The following MTAP variants were observed in gnomAD, a reference collection of about 807,000 sequenced individuals.
MTAP encodes the protein methylthioadenosine phosphorylase, also known as S-methyl-5'-thioadenosine phosphorylase.
Under a neutral mutation model 33.6 loss-of-function variants are expected in MTAP, and 33 were observed. The ratio of observed to expected loss-of-function variants is 0.98; its 90% CI spans 0.74 to 1.31. The LOEUF (loss-of-function observed/expected upper bound fraction) is 1.31. MTAP is among the 40% of genes most tolerant of loss of function. The probability of loss-of-function intolerance (pLI) is 0.00; values close to 1 mark genes in which losing one functional copy is unlikely to be tolerated. For synonymous variants in MTAP, 148 were observed against 125.7 expected (o/e 1.18, Z -1.19); for missense variants, 367 against 360.0 (o/e 1.02, Z -0.16).
intron 1 of MTAP, among the ~76,000 whole-genome samples, chr9:21,928,598 C>G (rs1208363251): frequency 6.6e-6 from 1 of 152,146 alleles, no homozygotes; most frequent in East Asian, 1.9e-4. Flanking sequence ...TGCAGAGTGA[C>G]AGTGATTCAT....
intron 1 of MTAP, among the ~76,000 whole-genome samples, chr9:21,906,259 A>G (rs1373039251): frequency 6.6e-6 from 1 of 152,244 alleles, no homozygotes; most frequent in Non-Finnish European, 1.5e-5. Flanking sequence ...AAAGCAGGAA[A>G]TGAAAACGGG....
intron 1 of MTAP, among the ~76,000 whole-genome samples, chr9:21,915,002 TC>T (rs1563869255): frequency 0.11 from 2,035 of 18,108 alleles, 158 homozygotes; most frequent in African/African-American, 0.28. Context: ...TTGTTTTCTT[TC>T]CTTCCTTCCT....
At chr9:21,821,116 A>G (rs188273601) in intron 4 of MTAP, among the ~76,000 whole-genome samples, 18 of 152,234 alleles carry the variant, frequency 1.2e-4, no homozygotes, top group African/African-American at 3.9e-4. Context: ...TACCCTTTAC[A>G]TCTTTCTCCT....
intron 4 of MTAP, among the ~76,000 whole-genome samples, chr9:21,829,974 A>C (rs191771534): frequency 1.3e-5 from 2 of 152,202 alleles, no homozygotes; most frequent in Non-Finnish European, 2.9e-5. Context: ...ATGAAGTTAA[A>C]AAGCCTGGGC....
intron 5 of MTAP, among the ~76,000 whole-genome samples, chr9:21,838,644 A>G (rs1016012508): frequency 6.6e-6 from 1 of 152,238 alleles, no homozygotes; most frequent in African/African-American, 2.4e-5. Context: ...CTACCATTAT[A>G]GCCAAATCAC....
Position 21,863,205 on chromosome 9 carries a change from G to C in MTAP, c.*1191G>C, listed in dbSNP as rs909313615. The stretch of plus-strand genomic sequence containing the variant: ...TCTGATATTTTAAAAAGTAATGTTT[G>C]ATTCTCCTTTTTATGAGTTAAATTA... On this transcript the variant is annotated 3_prime_UTR_variant, in exon 8 of 8. Coordinates refer to ENST00000644715, the MANE Select transcript of MTAP (RefSeq NM_002451.4). The C allele has an allele frequency of 1.0e-6, 1 of 965,584 alleles. No homozygotes were observed. The highest frequency in any genetic ancestry group is 1.2e-6 in the Non-Finnish European group (1 of 812,062). The allele number at this position is 965,584 out of a possible 1,614,324, so 59.8% of individuals were successfully genotyped here.
intron 5 of MTAP, among the ~76,000 whole-genome samples, chr9:21,849,458 G>A (rs902718395): frequency 6.6e-6 from 1 of 152,162 alleles, no homozygotes; most frequent in African/African-American, 2.4e-5. Flanking sequence ...TCTTATGGGT[G>A]CCTGGACTCA....
chr9:21,833,438 G>A (rs1000496487), intron 4 of MTAP, among the ~76,000 whole-genome samples: 3 of 152,106 alleles, frequency 2.0e-5, no homozygotes, highest in African/African-American at 7.2e-5. Context: ...ACCCACCTTG[G>A]CCTCCTAAAG....
At chr9:21,839,817 T>G (rs1825199269) in intron 5 of MTAP, among the ~76,000 whole-genome samples, 1 of 152,202 alleles carries the variant, frequency 6.6e-6, no homozygotes, top group African/African-American at 2.4e-5. Flanking sequence ...CTACCATTTA[T>G]GTTAAAGTAT....
intron 1 of MTAP, among the ~76,000 whole-genome samples, chr9:21,886,795 G>C (rs1234398232): frequency 6.6e-6 from 1 of 152,148 alleles, no homozygotes; most frequent in African/African-American, 2.4e-5. Flanking sequence ...GTTGGCGTAT[G>C]TGTGCCTGTT....
chr9:21,818,395 T>C (rs1312080799), intron 4 of MTAP, among the ~76,000 whole-genome samples, 193 bp downstream of exon 4: 2 of 126,830 alleles, frequency 1.6e-5, no homozygotes, highest in Non-Finnish European at 3.2e-5. Flanking sequence ...TGGCATGAAC[T>C]CAGCTCACTG....
rs1020757334 is a variant in MTAP at position 21,803,036 on chromosome 9, A to ACACACACACACACG, written c.33+256_33+257insACACACACACACGC. On this transcript the variant is annotated intron_variant, in intron 1 of 7. Transcript: ENST00000644715. ...CACACACACACACACACACACACAC[A>ACACACACACACACG]CCACCTTTTGGCTTATCTGCACCCG... is the stretch of plus-strand genomic sequence containing the variant. 3.8e-5 allele frequency: 39 copies of ACACACACACACACG among 1,039,812 alleles called. No individual in the cohort carries two copies. In the African/African-American group the frequency reaches 6.2e-4, roughly 17 times the overall value. The allele number at this position is 1,039,812 out of a possible 1,614,324, so 64.4% of individuals were successfully genotyped here.
chr9:21,923,664 C>T (rs1023100743), intron 1 of MTAP, among the ~76,000 whole-genome samples: 33 of 152,150 alleles, frequency 2.2e-4, no homozygotes, highest in African/African-American at 8.0e-4. Flanking sequence ...AAAATTTTCT[C>T]CATTCCTCTA....
At chr9:21,851,044 C>A (rs1370416273) in intron 5 of MTAP, among the ~76,000 whole-genome samples, 1 of 152,136 alleles carries the variant, frequency 6.6e-6, no homozygotes, top group Non-Finnish European at 1.5e-5. Flanking sequence ...AAGAAGAGTA[C>A]ACATGGAATA....
chr9:21,803,017 C>CACACACACACACACACACACAG, intron 1 of MTAP: 1 of 1,108,898 alleles, frequency 9.0e-7, no homozygotes. Flanking sequence ...CACACACACA[C>CACACACACACACACACACACAG]ACACACACAC....
rs1825837733 is a variant in MTAP at position 21,865,417 on chromosome 9, C to G, written c.*3403C>G. On this transcript the variant is annotated 3_prime_UTR_variant, in exon 8 of 8. Coordinates refer to ENST00000644715, the MANE Select transcript of MTAP (RefSeq NM_002451.4). ...TTACCCAGTCATGGGCAGTCCTTTA[C>G]AGCAGCATGAGAATGGACTAATACA... The G allele has an allele frequency of 2.0e-6, 2 of 980,366 alleles. No individual in the cohort carries two copies. The highest frequency in any genetic ancestry group is 9.4e-5 in the South Asian group (2 of 21,186). The allele number at this position is 980,366 out of a possible 1,614,324, so 60.7% of individuals were successfully genotyped here.
intron 1 of MTAP, among the ~76,000 whole-genome samples, chr9:21,904,329 G>T (rs1278989980): frequency 6.6e-6 from 1 of 152,180 alleles, no homozygotes; most frequent in Non-Finnish European, 1.5e-5. Context: ...CAACATTTGC[G>T]CAGGAAAACA....
chr9:21,846,470 G>T (rs1322477695), intron 5 of MTAP, among the ~76,000 whole-genome samples: 3 of 150,734 alleles, frequency 2.0e-5, no homozygotes, highest in African/African-American at 7.3e-5. Flanking sequence ...AAAACACATG[G>T]CCAACACACA....
At chr9:21,832,084 C>G (rs920873719) in intron 4 of MTAP, among the ~76,000 whole-genome samples, 1 of 152,194 alleles carries the variant, frequency 6.6e-6, no homozygotes, top group Non-Finnish European at 1.5e-5. Context: ...CTGGTATCCT[C>G]CCCTCTTCAG....
Sources: allele counts gnomAD v4.1 joint callset (sites outside exome capture counted in the v4.1 genomes callset), GRCh38; gene constraint gnomAD v4.1.1; transcripts MANE v1.5; gene names NCBI Gene and HGNC (gene_info 2026-07-23, HGNC 2026-07-21).